The following FAIM2 variants were observed in gnomAD, a reference collection of about 807,000 sequenced individuals.
FAIM2 encodes Fas apoptotic inhibitory molecule 2, also known as protein lifeguard 2.
Under a neutral mutation model 47.4 loss-of-function variants are expected in FAIM2, and 27 were observed. That is an observed-to-expected ratio of 0.57 (90% CI 0.42 to 0.78). The LOEUF (loss-of-function observed/expected upper bound fraction) is 0.78, where lower values mean the gene tolerates loss of function less well. Among genes scored for constraint, FAIM2 ranks in the 30% least tolerant of loss-of-function variants. The probability of loss-of-function intolerance (pLI) is 0.00; values close to 1 mark genes in which losing one functional copy is unlikely to be tolerated. For missense variants in FAIM2, 311 were observed against 389.4 expected, an observed-to-expected ratio of 0.80 and a Z score of 1.69; for synonymous variants, 156 against 159.3, an observed-to-expected ratio of 0.98 and a Z score of 0.16.
intron 11 of FAIM2, among the ~76,000 whole-genome samples, chr12:49,886,936 A>G (rs139724073): frequency 2.0e-4 from 30 of 152,318 alleles, no homozygotes; most frequent in Middle Eastern, 3.4e-3. Flanking sequence ...CAGTTTCGTG[A>G]GAACAGCAAA....
chr12:49,888,661 G>A (rs188459), intron 10 of FAIM2, among the ~76,000 whole-genome samples: 3,728 of 152,176 alleles, frequency 0.024, 153 homozygotes, highest in African/African-American at 0.084. Flanking sequence ...TCCGAGCCCC[G>A]CTGCCCCACG....
chr12:49,888,504 G>A (rs767846645), intron 10 of FAIM2, among the ~76,000 whole-genome samples: 14 of 152,182 alleles, frequency 9.2e-5, no homozygotes, highest in Admixed American at 2.0e-4. Context: ...AGGCCTTCCT[G>A]TGATGACCCC....
In FAIM2 at chr12:49,901,255, G is replaced by T; in HGVS notation, c.86C>A (p.Pro29Gln). Reference sequence around the variant, plus strand: ...GGAGGGTGGGGCTGAGGGCACTGCTGGAGCCTCCTTCTTCTCGCCATGCAC... The same window carrying T: ...GGAGGGTGGGGCTGAGGGCACTGCTTGAGCCTCCTTCTTCTCGCCATGCAC... ...QQVHGEKKEA[P>Q]AVPSAPPSYE... Residue 29 changes from proline (P) to glutamine (Q), a missense_variant, in exon 2 of 12, where the codon CCA becomes CAA. Coordinates refer to ENST00000320634, the MANE Select transcript of FAIM2 (RefSeq NM_012306.4). The T allele has an allele frequency of 6.2e-7, 1 of 1,610,448 alleles. No homozygotes were observed. Among genetic ancestry groups the T allele is most frequent in the Non-Finnish European group, 8.5e-7 (1 of 1,178,592 alleles).
chr12:49,887,404 TC>T lies in FAIM2; in HGVS notation c.782del (p.Gly261GlufsTer16), dbSNP rs1428087412. ...CACTCACCAATGTAAATACACCCGCTCCCAGTGCTGCATAAACTGCATGGAG... is the reference window on the plus strand; with the variant it reads ...CACTCACCAATGTAAATACACCCGCTCCAGTGCTGCATAAACTGCATGGAG... The part of the protein sequence containing the change: ...PWLHAVYAAL[G>X]AGVFTLFLAL... On this transcript the variant is annotated frameshift_variant, in exon 11 of 12. Coordinates refer to ENST00000320634, the MANE Select transcript of FAIM2 (RefSeq NM_012306.4). LOFTEE classifies it high-confidence loss of function. 2 of 1,611,396 alleles carry T rather than the reference TC, an allele frequency of 1.2e-6. No individual in the cohort carries two copies. The highest frequency in any genetic ancestry group is 1.7e-6 in the Non-Finnish European group (2 of 1,178,690).
rs751246525 is a variant in FAIM2, at chr12:49,870,616, C to T, written c.839G>A (p.Arg280Gln). ...ALDTQLLMGN[R>Q]RHSLSPEEYI... is the part of the protein sequence containing the mutation. ...CTCCTCAGGGCTCAGCGAGTGGCGT[C>T]GGTTACCCATCAGCAACTGGGTGTC... The change falls in exon 12 of 12, where the codon CGA becomes CAA. Residue 280 changes from arginine (R) to glutamine (Q), a missense_variant. By Grantham distance (43) the Arg-to-Gln change is conservative. Coordinates refer to ENST00000320634, the MANE Select transcript of FAIM2 (RefSeq NM_012306.4). 36 of 1,613,756 alleles carry T rather than the reference C, an allele frequency of 2.2e-5. No homozygotes were observed. The highest frequency in any genetic ancestry group is 3.3e-5 in the Admixed American group (2 of 59,988).
intron 11 of FAIM2, among the ~76,000 whole-genome samples, chr12:49,877,956 G>A (rs1353171420): frequency 1.3e-5 from 2 of 149,742 alleles, no homozygotes; most frequent in African/African-American, 2.5e-5. Flanking sequence ...GTGCGTATGT[G>A]TGTGTATGTG....
At chr12:49,880,608 ATG>A (rs373340432) in intron 11 of FAIM2, among the ~76,000 whole-genome samples, 13 of 117,960 alleles carry the variant, frequency 1.1e-4, no homozygotes, top group African/African-American at 3.3e-4. Context: ...ATGTGTGTGC[ATG>A]TGAGTGTATG....
rs367595603 is a variant in FAIM2, at chr12:49,898,036, G to A, written c.266C>T (p.Thr89Ile). The change falls in exon 3 of 12, where the codon ACC becomes ATC. Residue 89 changes from threonine (T) to isoleucine (I), a missense_variant. Transcript: ENST00000320634. ...TTTCTGGTCATCCCAGCTGAAAGTG[G>A]TGAAGAGCTCATGGTCTCCGGTGGG... ...GFPTGDHELF[T>I]TFSWDDQKVR... 1 of 1,614,142 alleles carries A rather than the reference G, an allele frequency of 6.2e-7. No homozygotes were observed.
intron 6 of FAIM2, 57 bp from the exon 7 acceptor site, chr12:49,890,779 G>A: frequency 2.0e-6 from 3 of 1,490,218 alleles, no homozygotes; most frequent in Middle Eastern, 1.7e-4. Context: ...AGTGGACCCA[G>A]GCTGTGACAC....
At chr12:49,880,488 A>ATGTGTG (rs1401837991) in intron 11 of FAIM2, among the ~76,000 whole-genome samples, 80 of 42,994 alleles carry the variant, frequency 1.9e-3, no homozygotes, top group African/African-American at 8.3e-3. Context: ...ATGTGTATGC[A>ATGTGTG]TGTGTATGTG....
At chr12:49,898,160 C>G in intron 2 of FAIM2, 70 bp from the exon 3 acceptor site, 1 of 1,027,288 alleles carries the variant, frequency 9.7e-7, no homozygotes, top group South Asian at 1.3e-5. Flanking sequence ...CAACAGCCCC[C>G]AACTCAAAGC....
intron 11 of FAIM2, among the ~76,000 whole-genome samples, chr12:49,886,486 T>C (rs914795360): frequency 6.6e-6 from 1 of 152,132 alleles, no homozygotes; most frequent in Admixed American, 6.5e-5. Flanking sequence ...ATTATTATTA[T>C]TATTTTTGAG....
At chr12:49,878,736 GAGTGTATA>G (rs1946768265) in intron 11 of FAIM2, among the ~76,000 whole-genome samples, 1 of 122,812 alleles carries the variant, frequency 8.1e-6, no homozygotes. Context: ...GTGTGCATGT[GAGTGTATA>G]TGCATATGTG....
At chr12:49,889,821 G>A (rs1383050541) in intron 8 of FAIM2, among the ~76,000 whole-genome samples, 1 of 152,150 alleles carries the variant, frequency 6.6e-6, no homozygotes, top group Non-Finnish European at 1.5e-5. Context: ...AGGGGTTTGT[G>A]CCGGGCCTGG....
intron 11 of FAIM2, among the ~76,000 whole-genome samples, chr12:49,871,356 T>A (rs1378827812): frequency 6.6e-6 from 1 of 152,168 alleles, no homozygotes; most frequent in Non-Finnish European, 1.5e-5. Flanking sequence ...ATGCCTTTCC[T>A]CCCAGGAAAC....
chr12:49,885,327 C>T (rs1946853933), intron 11 of FAIM2, among the ~76,000 whole-genome samples: 1 of 152,186 alleles, frequency 6.6e-6, no homozygotes, highest in Admixed American at 6.5e-5. Flanking sequence ...TCACTGCCTC[C>T]AACATCACCA....
intron 5 of FAIM2, 119 bp from the exon 6 acceptor site, chr12:49,891,233 T>C (rs566610271): frequency 3.3e-5 from 30 of 906,636 alleles, no homozygotes; most frequent in Non-Finnish European, 5.0e-5. Flanking sequence ...AGGGACAGGA[T>C]GGGGAGGCCA....
At chr12:49,899,517 A>G (rs555965344) in intron 2 of FAIM2, among the ~76,000 whole-genome samples, 6 of 152,276 alleles carry the variant, frequency 3.9e-5, no homozygotes, top group Admixed American at 6.5e-5. Context: ...TCTCAACCCA[A>G]GTATATTTTT....
chr12:49,876,382 T>C (rs1946736526), intron 11 of FAIM2, among the ~76,000 whole-genome samples: 1 of 152,214 alleles, frequency 6.6e-6, no homozygotes, highest in South Asian at 2.1e-4. Flanking sequence ...ATACTTATAG[T>C]GAATGATAAC....
Sources: gnomAD v4.1 joint callset for allele counts (sites outside exome capture counted in the v4.1 genomes callset) on GRCh38, gnomAD v4.1.1 for gene constraint, MANE v1.5 for transcripts, NCBI Gene and HGNC (gene_info 2026-07-23, HGNC 2026-07-21) for gene names.